The following CDH20 variants were observed in gnomAD, a reference collection of about 807,000 sequenced individuals.
The protein encoded by CDH20 is cadherin 20, also known as cadherin-20.
CDH20 carries 29 observed loss-of-function variants against 74.2 expected under a neutral mutation model. That is an observed-to-expected ratio of 0.39 (90% CI 0.29 to 0.53). CDH20 has a LOEUF of 0.53. Ranked by LOEUF, CDH20 falls within the 20% of genes least tolerant of loss-of-function variation. The pLI, the probability that CDH20 is intolerant of heterozygous loss-of-function variation, is 0.69. For synonymous variants in CDH20, 469 were observed against 405.4 expected (o/e 1.16, Z -1.88); for missense variants, 988 against 1,048.3 (o/e 0.94, Z 0.79).
chr18:61,554,115 T>A (rs1913532915), intron 11 of CDH20, 75 bp from the exon 12 acceptor site: 3 of 1,535,490 alleles, frequency 2.0e-6, no homozygotes, highest in Admixed American at 1.8e-5. Flanking sequence ...CCGTGGTGAA[T>A]CAAGACTACT....
intron 1 of CDH20, among the ~76,000 whole-genome samples, chr18:61,396,053 T>TGTGTGTGTGTGTG (rs1568123818): frequency 0.089 from 12,700 of 142,620 alleles, 645 homozygotes; most frequent in Middle Eastern, 0.16. Context: ...GTGTGTGTGT[T>TGTGTGTGTGTGTG]TGTGTGTGTG....
At chr18:61,460,455 C>G (rs1019695780) in intron 1 of CDH20, among the ~76,000 whole-genome samples, 2 of 152,140 alleles carry the variant, frequency 1.3e-5, no homozygotes, top group African/African-American at 4.8e-5. Flanking sequence ...TCTAATTTAA[C>G]AGGAGGAGCA....
intron 6 of CDH20, among the ~76,000 whole-genome samples, chr18:61,517,330 C>T (rs1298234751): frequency 6.6e-6 from 1 of 152,214 alleles, no homozygotes; most frequent in African/African-American, 2.4e-5. Context: ...CAGTCTGCAG[C>T]TCCCAGTGAG....
intron 7 of CDH20, among the ~76,000 whole-genome samples, chr18:61,532,060 CAAT>C (rs1333932758): frequency 6.6e-6 from 1 of 152,152 alleles, no homozygotes; most frequent in Non-Finnish European, 1.5e-5. Flanking sequence ...GACTATGTGT[CAAT>C]AAGGCAGCAT....
rs1488798045 is a variant in CDH20 at position 61,554,329 on chromosome 18, C to G, written c.2040C>G (p.Ile680Met). 6.2e-7 allele frequency: 1 copy of G among 1,613,712 alleles called. No homozygotes were observed. The highest frequency in any genetic ancestry group is 8.5e-7 in the Non-Finnish European group (1 of 1,179,960). The change falls in exon 12 of 12, where the codon ATC (isoleucine) becomes ATG (methionine). Residue 680 changes from isoleucine (I) to methionine (M), a missense_variant. Ile to Met is a conservative substitution (Grantham distance 10, BLOSUM62 1). Transcript: ENST00000262717. ...AGGAGGACACCGAGGCCTTCGACAT[C>G]GCGGCCATGTGGAACCCCCGGGAGG... ...GGEEDTEAFD[I>M]AAMWNPREAQ...
intron 1 of CDH20, among the ~76,000 whole-genome samples, chr18:61,450,061 TAGCAGC>T (rs373273228): frequency 5.3e-5 from 8 of 151,950 alleles, no homozygotes; most frequent in African/African-American, 1.9e-4. Context: ...CATATTTTAG[TAGCAGC>T]AGCAGCAGCA....
chr18:61,349,096 G>A (rs1910223458), intron 1 of CDH20, among the ~76,000 whole-genome samples: 1 of 152,176 alleles, frequency 6.6e-6, no homozygotes, highest in Non-Finnish European at 1.5e-5. Context: ...TAGAGTGGCT[G>A]TTAGAAACAT....
At chr18:61,549,916 C>T (rs570941315) in intron 10 of CDH20, 62 bp from the exon 11 acceptor site, 10 of 1,563,114 alleles carry the variant, frequency 6.4e-6, no homozygotes, top group Non-Finnish European at 8.7e-6. Context: ...CCCTTGCTTT[C>T]CTCAATCCAA....
At chr18:61,355,638 T>C (rs758410014) in intron 1 of CDH20, among the ~76,000 whole-genome samples, 12 of 152,114 alleles carry the variant, frequency 7.9e-5, no homozygotes, top group Non-Finnish European at 1.6e-4. Context: ...CTCTAAACCA[T>C]AAAACACGGG....
At chr18:61,347,350 A>C (rs986027025) in intron 1 of CDH20, among the ~76,000 whole-genome samples, 1 of 139,852 alleles carries the variant, frequency 7.2e-6, no homozygotes, top group African/African-American at 2.8e-5. Context: ...ACACACACAC[A>C]CATATATATA....
intron 6 of CDH20, among the ~76,000 whole-genome samples, chr18:61,523,147 T>C (rs1470864799): frequency 6.6e-6 from 1 of 151,410 alleles, no homozygotes; most frequent in African/African-American, 2.4e-5. Context: ...TGGGAGAAAA[T>C]TTTTGCAATC....
intron 1 of CDH20, among the ~76,000 whole-genome samples, chr18:61,369,075 C>A (rs1470585851): frequency 3.9e-5 from 6 of 151,904 alleles, no homozygotes; most frequent in African/African-American, 1.5e-4. Flanking sequence ...GATTTGGGTT[C>A]AAACAAACCA....
rs575755733 is a variant in CDH20 at position 61,347,875 on chromosome 18, C to T, written c.-153+14048C>T. ...TTTTTTCAGATGGACATGTGGCTAACATTTTCTTAAAACTCACGATGTATT... is the reference window on the plus strand; with the variant it reads ...TTTTTTCAGATGGACATGTGGCTAATATTTTCTTAAAACTCACGATGTATT... On this transcript the variant is annotated intron_variant, in intron 1 of 11. Transcript: ENST00000262717. Among the ~76,000 whole-genome samples the T allele has an allele frequency of 8.7e-5, 13 of 149,582 alleles. No individual in the cohort carries two copies. In the South Asian group the frequency reaches 2.8e-3, roughly 32 times the overall value.
intron 6 of CDH20, among the ~76,000 whole-genome samples, chr18:61,527,137 A>G (rs1912440488): frequency 6.6e-6 from 1 of 152,172 alleles, no homozygotes; most frequent in Admixed American, 6.5e-5. Context: ...CTGAGATCAC[A>G]CTGTTGCATT....
At chr18:61,336,342 T>C (rs1055822333) in intron 1 of CDH20, among the ~76,000 whole-genome samples, 2 of 152,208 alleles carry the variant, frequency 1.3e-5, no homozygotes, top group African/African-American at 4.8e-5. Flanking sequence ...GGTATTAACT[T>C]CTCTCTTCCT....
chr18:61,424,109 T>C (rs1371152630), intron 1 of CDH20, among the ~76,000 whole-genome samples: 1 of 152,234 alleles, frequency 6.6e-6, no homozygotes, highest in African/African-American at 2.4e-5. Flanking sequence ...TAATTGTACA[T>C]ACTTACGGGG....
At chr18:61,454,986 A>G (rs1457253103) in intron 1 of CDH20, among the ~76,000 whole-genome samples, 2 of 152,216 alleles carry the variant, frequency 1.3e-5, no homozygotes, top group African/African-American at 2.4e-5. Flanking sequence ...CAGGGAAGCC[A>G]TTTAAGCCAT....
intron 6 of CDH20, among the ~76,000 whole-genome samples, chr18:61,508,348 A>G (rs1911653721): frequency 6.6e-6 from 1 of 152,210 alleles, no homozygotes; most frequent in Non-Finnish European, 1.5e-5. Context: ...ACATTCTAGC[A>G]AGGGAAGAAG....
At chr18:61,500,193 A>C (rs1302528475) in intron 3 of CDH20, among the ~76,000 whole-genome samples, 190 bp from the exon 4 acceptor site, 4 of 150,926 alleles carry the variant, frequency 2.7e-5, no homozygotes, top group Non-Finnish European at 5.9e-5. Context: ...GTCATTCAGA[A>C]TTTAAAGCAC....
Sources: allele counts gnomAD v4.1 joint callset (sites outside exome capture counted in the v4.1 genomes callset), GRCh38; gene constraint gnomAD v4.1.1; transcripts MANE v1.5; gene names NCBI Gene and HGNC (gene_info 2026-07-23, HGNC 2026-07-21).